Variants in ITPR1 observed in about 807,000 individuals in gnomAD.
ITPR1 encodes the protein inositol 1,4,5-trisphosphate receptor type 1.
In ITPR1, 96 loss-of-function variants were observed where a neutral mutation model predicts 318.4. That is an observed-to-expected ratio of 0.30 (90% CI 0.26 to 0.36). The LOEUF is 0.36. ITPR1 is among the 10% of genes least tolerant of loss of function. ITPR1 has a pLI of 1.00. For synonymous variants in ITPR1, 1,312 were observed against 1,289.9 expected (o/e 1.02, Z -0.37); for missense variants, 2,440 against 3,460.2 (o/e 0.71, Z 7.40).
chr3:4,778,491 C>A, intron 48 of ITPR1, among the ~76,000 whole-genome samples: 1 of 152,176 alleles, frequency 6.6e-6, no homozygotes, highest in East Asian at 1.9e-4. Context: ...GTGGGAATGG[C>A]AGTTATTTTT....
At chr3:4,821,106 A>G (rs1241362584) in intron 60 of ITPR1, among the ~76,000 whole-genome samples, 1 of 152,238 alleles carries the variant, frequency 6.6e-6, no homozygotes, top group African/African-American at 2.4e-5. Flanking sequence ...AGGAGGCTGT[A>G]GCTACTCCAG....
chr3:4,677,328 T>A (rs916804993), intron 24 of ITPR1, among the ~76,000 whole-genome samples: 2 of 152,160 alleles, frequency 1.3e-5, no homozygotes, highest in African/African-American at 4.8e-5. Context: ...TGGGCATGTA[T>A]TAAGAATAAG....
intron 11 of ITPR1, among the ~76,000 whole-genome samples, chr3:4,652,503 A>G (rs2093618929): frequency 6.6e-6 from 1 of 152,132 alleles, no homozygotes; most frequent in Non-Finnish European, 1.5e-5. Flanking sequence ...TTTCGCTTTT[A>G]TATACGACCC....
chr3:4,525,389 C>T (rs1269005256), intron 4 of ITPR1, among the ~76,000 whole-genome samples: 2 of 152,152 alleles, frequency 1.3e-5, no homozygotes, highest in Non-Finnish European at 2.9e-5. Context: ...AGTTCAACAT[C>T]GAACACACTT....
intron 4 of ITPR1, among the ~76,000 whole-genome samples, chr3:4,626,574 A>C (rs1474154859): frequency 6.6e-6 from 1 of 152,140 alleles, no homozygotes; most frequent in Non-Finnish European, 1.5e-5. Flanking sequence ...TTTTCTGCAG[A>C]AATCTTTTGA....
chr3:4,831,110 C>A (rs2050456105), intron 60 of ITPR1: 8 of 210,182 alleles, frequency 3.8e-5, no homozygotes, highest in African/African-American at 1.4e-4. Context: ...GTCTTTGTCT[C>A]TCTCTCTCTC....
chr3:4,510,196 G>T (rs1348894801), intron 2 of ITPR1, among the ~76,000 whole-genome samples: 4 of 152,116 alleles, frequency 2.6e-5, no homozygotes, highest in Non-Finnish European at 1.5e-5. Context: ...ATGTGCAAAG[G>T]CCCAGGGAAC....
intron 52 of ITPR1, among the ~76,000 whole-genome samples, chr3:4,788,724 GTGTTCC>G (rs1410275628): frequency 1.3e-5 from 2 of 152,250 alleles, no homozygotes; most frequent in African/African-American, 4.8e-5. Context: ...GGGGGCTTCT[GTGTTCC>G]TGGTTTTCAC....
chr3:4,525,544 C>T (rs1247503423), intron 4 of ITPR1, among the ~76,000 whole-genome samples: 1 of 152,148 alleles, frequency 6.6e-6, no homozygotes, highest in Non-Finnish European at 1.5e-5. Context: ...TTCACATAAG[C>T]CACATCTTTT....
chr3:4,700,039 C>A, intron 35 of ITPR1, 98 bp downstream of exon 35: 1 of 1,057,992 alleles, frequency 9.5e-7, no homozygotes, highest in South Asian at 1.5e-5. Flanking sequence ...ATGAACTGGT[C>A]TGCAAGGCAT....
At chr3:4,717,264 A>G in intron 39 of ITPR1, 103 bp from the exon 40 acceptor site, 1 of 1,009,330 alleles carries the variant, frequency 9.9e-7, no homozygotes, top group Non-Finnish European at 1.5e-6. Flanking sequence ...GCAAGGCTTT[A>G]AGGAGAAACG....
intron 26 of ITPR1, among the ~76,000 whole-genome samples, chr3:4,681,624 A>AGTGTGTGTGT (rs10665371): frequency 7.4e-4 from 108 of 145,894 alleles, no homozygotes; most frequent in African/African-American, 2.1e-3. Context: ...AGAGAGAGAA[A>AGTGTGTGTGT]GTGTGTGTGT....
At chr3:4,704,317 C>T (rs2094713677) in intron 36 of ITPR1, among the ~76,000 whole-genome samples, 1 of 152,232 alleles carries the variant, frequency 6.6e-6, no homozygotes, top group Admixed American at 6.5e-5. Context: ...GAGGCTGAGG[C>T]AGGAGAATCG....
At chr3:4,827,169 C>G (rs1421770874) in intron 60 of ITPR1, among the ~76,000 whole-genome samples, 1 of 152,232 alleles carries the variant, frequency 6.6e-6, no homozygotes. Flanking sequence ...ACCGCCCATA[C>G]CCTGACCCAC....
At chr3:4,806,032 A>C in intron 54 of ITPR1, 71 bp from the exon 55 acceptor site, 1 of 1,297,624 alleles carries the variant, frequency 7.7e-7, no homozygotes, top group Non-Finnish European at 1.1e-6. Context: ...TTTGTGTGAG[A>C]TGCTCTCGTT....
intron 40 of ITPR1, among the ~76,000 whole-genome samples, chr3:4,718,101 T>C (rs1344006363): frequency 2.0e-5 from 3 of 152,222 alleles, no homozygotes; most frequent in Non-Finnish European, 4.4e-5. Flanking sequence ...TCATTTTGTT[T>C]GGGATCTGGG....
intron 55 of ITPR1, among the ~76,000 whole-genome samples, chr3:4,808,864 C>G (rs539839389): frequency 2.0e-5 from 3 of 152,212 alleles, no homozygotes; most frequent in East Asian, 3.9e-4. Flanking sequence ...GCTGCCCCCC[C>G]TCCCCCACAA....
intron 5 of ITPR1, among the ~76,000 whole-genome samples, chr3:4,629,187 C>T (rs1559570087): frequency 6.6e-6 from 1 of 152,100 alleles, no homozygotes; most frequent in Non-Finnish European, 1.5e-5. Flanking sequence ...GCCGTATGAG[C>T]TTTATTTTAT....
chr3:4,684,303 A>G lies in ITPR1; in HGVS notation c.3521A>G (p.Lys1174Arg). ...TAGGAGGGAAATAACAAGCCACAAAAGCATGAAAGCACCAGCAGCTACAAC... is the reference window on the plus strand; with the variant it reads ...TAGGAGGGAAATAACAAGCCACAAAGGCATGAAAGCACCAGCAGCTACAAC... The part of the protein sequence containing the change: ...KTEEGNNKPQ[K>R]HESTSSYNYR... Residue 1174 changes from lysine (K) to arginine (R), a missense_variant, in exon 29 of 62, where the codon AAG becomes AGG. By Grantham distance (26) the Lys-to-Arg change is conservative. Coordinates refer to ENST00000649015, the MANE Select transcript of ITPR1 (RefSeq NM_001378452.1). 1.2e-6 allele frequency: 2 copies of G among 1,612,818 alleles called. No individual in the cohort carries two copies. The highest frequency in any genetic ancestry group is 1.7e-6 in the Non-Finnish European group (2 of 1,179,226).
Sources: gnomAD v4.1 joint callset for allele counts (sites outside exome capture counted in the v4.1 genomes callset) on GRCh38, gnomAD v4.1.1 for gene constraint, MANE v1.5 for transcripts, NCBI Gene and HGNC (gene_info 2026-07-23, HGNC 2026-07-21) for gene names.